TOX3: variants seen among roughly 807,000 people sequenced by gnomAD.
The protein encoded by TOX3 is CAG trinucleotide repeat-containing gene F9 protein.
A neutral mutation model predicts 64.3 loss-of-function variants in TOX3; 22 were observed. That is an observed-to-expected ratio of 0.34 (90% CI 0.24 to 0.49). The LOEUF is 0.49. TOX3 is among the 20% of genes least tolerant of loss of function. TOX3 has a pLI of 0.99. For synonymous variants in TOX3, 291 were observed against 273.6 expected, an observed-to-expected ratio of 1.06 and a Z score of -0.63; for missense variants, 661 against 714.4, an observed-to-expected ratio of 0.93 and a Z score of 0.85.
chr16:52,448,595 C>T (rs1463842575), intron 4 of TOX3, among the ~76,000 whole-genome samples: 1 of 152,130 alleles, frequency 6.6e-6, no homozygotes, highest in Admixed American at 6.5e-5. Flanking sequence ...ATAGAATAAA[C>T]CCTTCATCTT....
intron 1 of TOX3, among the ~76,000 whole-genome samples, chr16:52,534,004 A>G (rs1016613528): frequency 1.3e-5 from 2 of 152,224 alleles, no homozygotes; most frequent in Non-Finnish European, 2.9e-5. Context: ...TCTAAGGCAG[A>G]TAATATCAAA....
At position 52,439,082 on chromosome 16, in the gene TOX3, A is replaced by G. The variant is rs1299402819; in HGVS notation, c.*143T>C. On this transcript the variant is annotated 3_prime_UTR_variant, in exon 7 of 7. Transcript: ENST00000219746. ...AGCTACACTGCAGTTCTTATTGCCTATCTAATAGACACTTGAGAGGACCGT... is the reference window on the plus strand; with the variant it reads ...AGCTACACTGCAGTTCTTATTGCCTGTCTAATAGACACTTGAGAGGACCGT... 9 of 1,180,846 alleles carry G rather than the reference A, an allele frequency of 7.6e-6. No individual in the cohort carries two copies. The highest frequency in any genetic ancestry group is 1.1e-5 in the Non-Finnish European group (9 of 821,582). 73.1% of individuals were successfully genotyped at this position (1,180,846 alleles called of 1,614,324 possible).
intron 1 of TOX3, among the ~76,000 whole-genome samples, chr16:52,489,312 C>G (rs1203228646): frequency 2.0e-5 from 3 of 152,156 alleles, no homozygotes; most frequent in Non-Finnish European, 4.4e-5. Flanking sequence ...AACCCACTAA[C>G]TATGTGTCCA....
chr16:52,457,296 T>C (rs908411055), intron 3 of TOX3, among the ~76,000 whole-genome samples: 1 of 152,208 alleles, frequency 6.6e-6, no homozygotes, highest in Non-Finnish European at 1.5e-5. Context: ...TTCTATATTA[T>C]GTGTTTATAC....
chr16:52,447,934 T>C (rs1021802781), intron 4 of TOX3, among the ~76,000 whole-genome samples: 1 of 152,198 alleles, frequency 6.6e-6, no homozygotes. Context: ...CAATGGCAAG[T>C]TGCTATTACT....
chr16:52,530,659 T>C (rs1417438952), intron 1 of TOX3, among the ~76,000 whole-genome samples: 1 of 151,934 alleles, frequency 6.6e-6, no homozygotes, highest in Non-Finnish European at 1.5e-5. Flanking sequence ...CTCTTTTTTT[T>C]TTTTCTTTTT....
At position 52,539,803 on chromosome 16, in the gene TOX3, C is replaced by T. The variant is rs527450853; in HGVS notation, c.87+6834G>A. ...TTCTCCTCTCTCCGCTCTGCTTCCACTCAAGGTCTTACCATTCGTCCAGGC... is the reference window on the plus strand; with the variant it reads ...TTCTCCTCTCTCCGCTCTGCTTCCATTCAAGGTCTTACCATTCGTCCAGGC... On this transcript the variant is annotated intron_variant, in intron 1 of 6. Coordinates refer to ENST00000219746, the MANE Select transcript of TOX3 (RefSeq NM_001080430.4). Among the ~76,000 whole-genome samples the T allele has an allele frequency of 6.6e-5, 10 of 152,312 alleles. No individual in the cohort carries two copies. In the East Asian group the frequency reaches 1.9e-3, roughly 29 times the overall value.
intron 3 of TOX3, among the ~76,000 whole-genome samples, chr16:52,455,961 A>G (rs535806838): frequency 1.2e-4 from 18 of 152,308 alleles, no homozygotes; most frequent in Non-Finnish European, 2.6e-4. Flanking sequence ...GTAGAAGCTA[A>G]CCAAGCCAGG....
intron 1 of TOX3, among the ~76,000 whole-genome samples, chr16:52,526,140 C>A (rs1257148109): frequency 2.0e-5 from 3 of 152,106 alleles, no homozygotes; most frequent in African/African-American, 7.2e-5. Flanking sequence ...CATCAATAAC[C>A]AAATAAAAGA....
At chr16:52,491,748 T>C (rs1437924291) in intron 1 of TOX3, among the ~76,000 whole-genome samples, 1 of 152,176 alleles carries the variant, frequency 6.6e-6, no homozygotes, top group Non-Finnish European at 1.5e-5. Context: ...TCTGCATAGA[T>C]GAAGAAATGA....
intron 1 of TOX3, among the ~76,000 whole-genome samples, chr16:52,509,733 C>A (rs9302556): frequency 0.48 from 72,851 of 152,050 alleles, 17,633 homozygotes; most frequent in Middle Eastern, 0.59. Context: ...CACAAACAGG[C>A]ATAATGTTTA....
intron 4 of TOX3, among the ~76,000 whole-genome samples, chr16:52,447,883 T>C (rs1960209472): frequency 6.6e-6 from 1 of 152,166 alleles, no homozygotes; most frequent in Non-Finnish European, 1.5e-5. Flanking sequence ...ATTCTTCTCC[T>C]GGAAGAAAAT....
chr16:52,542,794 C>T (rs894463764), intron 1 of TOX3, among the ~76,000 whole-genome samples: 1 of 152,082 alleles, frequency 6.6e-6, no homozygotes, highest in African/African-American at 2.4e-5. Flanking sequence ...CAATCAAATT[C>T]CCCCCAATAT....
chr16:52,515,811 C>T (rs1962438470), intron 1 of TOX3, among the ~76,000 whole-genome samples: 2 of 152,306 alleles, frequency 1.3e-5, no homozygotes, highest in Non-Finnish European at 2.9e-5. Flanking sequence ...ACTATATTAG[C>T]TTTCTATTTT....
intron 1 of TOX3, among the ~76,000 whole-genome samples, chr16:52,534,607 G>A (rs913522518): frequency 2.6e-5 from 4 of 151,936 alleles, no homozygotes; most frequent in African/African-American, 9.7e-5. Flanking sequence ...CTGCACTCCA[G>A]CCGGGGCAAC....
intron 1 of TOX3, among the ~76,000 whole-genome samples, chr16:52,498,297 C>T (rs1961902920): frequency 6.6e-6 from 1 of 152,060 alleles, no homozygotes; most frequent in Non-Finnish European, 1.5e-5. Flanking sequence ...TTCTCTCCAC[C>T]GCTTTTCTAT....
intron 1 of TOX3, among the ~76,000 whole-genome samples, chr16:52,542,492 C>T (rs1963095236): frequency 6.6e-6 from 1 of 152,104 alleles, no homozygotes; most frequent in African/African-American, 2.4e-5. Context: ...AGATTATCAT[C>T]CTCTTGAAAA....
At chr16:52,468,937 T>C (rs896098538) in intron 1 of TOX3, among the ~76,000 whole-genome samples, 2 of 152,174 alleles carry the variant, frequency 1.3e-5, no homozygotes, top group Non-Finnish European at 2.9e-5. Context: ...TTTAAAAGCA[T>C]GTAAGGATTT....
intron 1 of TOX3, among the ~76,000 whole-genome samples, chr16:52,520,469 A>G (rs1370599317): frequency 6.6e-6 from 1 of 152,206 alleles, no homozygotes; most frequent in Admixed American, 6.5e-5. Context: ...CTCATGTTCA[A>G]TGTCAGCTCT....
Sources: gnomAD v4.1 joint callset for allele counts (sites outside exome capture counted in the v4.1 genomes callset) on GRCh38, gnomAD v4.1.1 for gene constraint, MANE v1.5 for transcripts, NCBI Gene and HGNC (gene_info 2026-07-23, HGNC 2026-07-21) for gene names.